Variants in IKBIP observed in about 807,000 individuals in gnomAD.
IKBIP encodes the protein inhibitor of nuclear factor kappa-B kinase-interacting protein.
IKBIP carries 28 observed loss-of-function variants against 31.0 expected under a neutral mutation model. The observed-to-expected ratio is 0.90, with a 90% CI of 0.67 to 1.24. The LOEUF (loss-of-function observed/expected upper bound fraction) is 1.24. Among genes scored for constraint, IKBIP ranks in the 50% most tolerant of loss-of-function variants. The pLI is 0.00. For missense variants in IKBIP, 453 were observed against 441.9 expected, an observed-to-expected ratio of 1.03 and a Z score of -0.23; for synonymous variants, 164 against 160.3, an observed-to-expected ratio of 1.02 and a Z score of -0.17.
chr12:98,618,355 G>A (rs1409714471), intron 2 of IKBIP, among the ~76,000 whole-genome samples: 6 of 151,928 alleles, frequency 3.9e-5, no homozygotes, highest in East Asian at 3.9e-4. Flanking sequence ...GGCCAGGCGC[G>A]GTGGCTCACG....
In IKBIP at chr12:98,613,928, TG is replaced by T; in HGVS notation, c.709del (p.Gln237LysfsTer10). 1 of 1,613,798 alleles carries T rather than the reference TG, an allele frequency of 6.2e-7. No homozygotes were observed. ...CGTCTTCTTAACAGAGTTAATTCTT[TG>T]TGAATTTTCAGATGCTGTCTTTCGG... On this transcript the variant is annotated frameshift_variant, in exon 3 of 3. Coordinates refer to the IKBIP transcript ENST00000342502. LOFTEE classifies it high-confidence loss of function.
exon 3 of IKBIP, chr12:98,613,543 C>T (rs2097604415): frequency 1.0e-6 from 1 of 975,114 alleles, no homozygotes; most frequent in Non-Finnish European, 1.5e-6. Context: ...ATGAGAGGTC[C>T]CATTAAAAAA....
At chr12:98,629,390 A>AAACC (rs2097617858) in intron 2 of IKBIP, among the ~76,000 whole-genome samples, 1 of 151,786 alleles carries the variant, frequency 6.6e-6, no homozygotes, top group East Asian at 1.9e-4. Context: ...ACAAACAAAC[A>AAACC]AACAAACAAA....
intron 2 of IKBIP, among the ~76,000 whole-genome samples, chr12:98,630,840 G>A (rs2097619417): frequency 6.6e-6 from 1 of 152,126 alleles, no homozygotes; most frequent in Admixed American, 6.6e-5. Flanking sequence ...TGCCCTTTAG[G>A]GCCACCTTTG....
exon 3 of IKBIP, chr12:98,613,746 C>T: frequency 6.2e-7 from 1 of 1,612,460 alleles, no homozygotes; most frequent in Non-Finnish European, 8.5e-7. Context: ...AAATCATTTA[C>T]TAATGGTTCT....
chr12:98,637,629 G>T (rs1178584673), intron 1 of IKBIP, among the ~76,000 whole-genome samples: 1 of 152,072 alleles, frequency 6.6e-6, no homozygotes, highest in Non-Finnish European at 1.5e-5. Context: ...GAATGGTCTC[G>T]ATCTCTTGAC....
intron 2 of IKBIP, among the ~76,000 whole-genome samples, chr12:98,630,906 G>A (rs916403520): frequency 7.4e-5 from 11 of 149,448 alleles, no homozygotes; most frequent in African/African-American, 1.2e-4. Context: ...AAAAAGCTAC[G>A]AAAAGACTGA....
Position 98,644,691 on chromosome 12 carries a change from A to G in IKBIP, c.11T>C (p.Val4Ala), listed in dbSNP as rs748440240. Residue 4 changes from valine to alanine, a missense_variant, in exon 1 of 3, where the codon GTG becomes GCG. By Grantham distance (64) the Val-to-Ala change is moderately conservative. Transcript: ENST00000299157. The stretch of plus-strand genomic sequence containing the variant: ...GGGCCCCGACTTCTTCCGGCTCTTC[A>G]CCTCAGACATGTCTGGAGACCCTAG... MSE[V>A]KSRKKSGPKG... is the part of the protein sequence containing the mutation. 1.9e-6 allele frequency: 3 copies of G among 1,609,474 alleles called. No homozygotes were observed. Among genetic ancestry groups the G allele is most frequent in the Non-Finnish European group, 2.5e-6 (3 of 1,178,812 alleles).
At chr12:98,619,876 A>G (rs1209454670), downstream of IKBIP, among the ~76,000 whole-genome samples, 1 of 99,194 alleles carries the variant, frequency 1.0e-5, no homozygotes, top group Non-Finnish European at 2.8e-5. Flanking sequence ...TTTCTCAGAA[A>G]AAAAAAAAAA....
exon 3 of IKBIP, chr12:98,613,819 T>C: frequency 6.2e-7 from 1 of 1,610,238 alleles, no homozygotes; most frequent in Non-Finnish European, 8.5e-7. Flanking sequence ...CAAAAGTCAC[T>C]GTCTTCAGAA....
chr12:98,613,877 T>C, exon 3 of IKBIP: 1 of 1,613,290 alleles, frequency 6.2e-7, no homozygotes, highest in Middle Eastern at 1.7e-4. Context: ...TGTATGTTTG[T>C]CGAAGTCACT....
chr12:98,635,703 C>T (rs952998849), intron 1 of IKBIP, among the ~76,000 whole-genome samples: 13 of 152,018 alleles, frequency 8.6e-5, no homozygotes, highest in Admixed American at 5.2e-4. Context: ...TATTTTAAAA[C>T]TGAAATGTAG....
chr12:98,618,903 A>G (rs2097607986), intron 2 of IKBIP, among the ~76,000 whole-genome samples: 1 of 152,276 alleles, frequency 6.6e-6, no homozygotes, highest in Non-Finnish European at 1.5e-5. Flanking sequence ...AGAAGCATCC[A>G]TATAGTTGCA....
chr12:98,642,693 T>C (rs1338998409), intron 1 of IKBIP, among the ~76,000 whole-genome samples: 1 of 143,294 alleles, frequency 7.0e-6, no homozygotes, highest in East Asian at 2.2e-4. Context: ...CTCCGCCTCT[T>C]GGGTTCAAGT....
chr12:98,634,796 G>A (rs1162471867), intron 1 of IKBIP, among the ~76,000 whole-genome samples: 3 of 149,018 alleles, frequency 2.0e-5, no homozygotes, highest in African/African-American at 5.0e-5. Flanking sequence ...TGCAAGCTCC[G>A]CCTCCTGGGT....
chr12:98,637,038 A>G (rs542665381), intron 1 of IKBIP, among the ~76,000 whole-genome samples: 68 of 152,320 alleles, frequency 4.5e-4, no homozygotes, highest in African/African-American at 1.6e-3. Context: ...AATCATTATT[A>G]TAAGAGACTT....
rs913131213 is a variant in IKBIP at position 98,642,429 on chromosome 12, C to T, written c.179+2094G>A. Among the ~76,000 whole-genome samples, 8 of 151,830 alleles carry T rather than the reference C, an allele frequency of 5.3e-5. No individual in the cohort carries two copies. In the East Asian group the frequency reaches 7.8e-4, roughly 15 times the overall value. ...CCTCCCAAAGTGCTAGGATTACAGGCGCAAGCCACTGCACCTGGCCCAAAA... is the reference window on the plus strand; with the variant it reads ...CCTCCCAAAGTGCTAGGATTACAGGTGCAAGCCACTGCACCTGGCCCAAAA... On this transcript the variant is annotated intron_variant, in intron 1 of 2. Transcript: ENST00000299157.
chr12:98,643,812 G>GTTTTCTTTTTCTTTTTTTTTCC (rs2097633806), intron 1 of IKBIP, among the ~76,000 whole-genome samples: 1 of 131,106 alleles, frequency 7.6e-6, no homozygotes, highest in East Asian at 2.4e-4. Flanking sequence ...TAATGATATG[G>GTTTTCTTTTTCTTTTTTTTTCC]TTTTCTTTTT....
In IKBIP at chr12:98,626,778, A is replaced by G; in HGVS notation, c.298-12T>C. 2 of 1,568,424 alleles carry G rather than the reference A, an allele frequency of 1.3e-6. No individual in the cohort carries two copies. The highest frequency in any genetic ancestry group is 8.6e-7 in the Non-Finnish European group (1 of 1,156,676). On this transcript the variant is annotated splice_polypyrimidine_tract_variant and intron_variant, in intron 2 of 2. Coordinates refer to ENST00000299157, the MANE Select transcript of IKBIP (RefSeq NM_153687.4). ...TCAGTAGACTCAAGCTGCATTTATA[A>G]CACAAAACAATTCCCAAGGCTACTT...
Sources: allele counts gnomAD v4.1 joint callset (sites outside exome capture counted in the v4.1 genomes callset), GRCh38; gene constraint gnomAD v4.1.1; transcripts MANE v1.5; gene names NCBI Gene and HGNC (gene_info 2026-07-23, HGNC 2026-07-21).